Variants in NKAIN2 observed in about 807,000 individuals in gnomAD.
The protein encoded by NKAIN2 is sodium/potassium transporting ATPase interacting 2.
Under a neutral mutation model 32.6 loss-of-function variants are expected in NKAIN2, and 14 were observed. That is an observed-to-expected ratio of 0.43 (90% CI 0.28 to 0.67). The LOEUF (loss-of-function observed/expected upper bound fraction) is 0.67. Among genes scored for constraint, NKAIN2 ranks in the 30% least tolerant of loss-of-function variants. The pLI is 0.17. For missense variants in NKAIN2, 198 were observed against 258.3 expected (o/e 0.77, Z 1.60); for synonymous variants, 80 against 87.2 (o/e 0.92, Z 0.46).
At chr6:124,369,347 AAAATGGACACCACTGT>A (rs1319558637) in intron 3 of NKAIN2, among the ~76,000 whole-genome samples, 1 of 152,202 alleles carries the variant, frequency 6.6e-6, no homozygotes, top group Non-Finnish European at 1.5e-5. Flanking sequence ...TGAATTTTAA[AAAATGGACACCACTGT>A]AATTTTCTGA....
chr6:124,056,017 G>T (rs1782632761), intron 1 of NKAIN2, among the ~76,000 whole-genome samples: 1 of 152,030 alleles, frequency 6.6e-6, no homozygotes, highest in Non-Finnish European at 1.5e-5. Flanking sequence ...CATTTGCTAT[G>T]TTCTGATTTT....
intron 3 of NKAIN2, among the ~76,000 whole-genome samples, chr6:124,642,540 T>C (rs1583570777): frequency 1.3e-5 from 2 of 152,200 alleles, no homozygotes; most frequent in South Asian, 4.1e-4. Context: ...AGAACAGTGC[T>C]TTCTGATGAT....
At chr6:124,691,220 C>T (rs1350615161) in intron 4 of NKAIN2, among the ~76,000 whole-genome samples, 1 of 152,108 alleles carries the variant, frequency 6.6e-6, no homozygotes, top group Non-Finnish European at 1.5e-5. Flanking sequence ...TGGATCACTT[C>T]TGCTAAGAAA....
intron 3 of NKAIN2, among the ~76,000 whole-genome samples, chr6:124,407,510 G>A (rs1318692813): frequency 1.6e-4 from 25 of 152,078 alleles, no homozygotes; most frequent in Non-Finnish European, 2.9e-4. Context: ...CCATGTCCCT[G>A]CAAAGGACAT....
chr6:124,068,777 C>G (rs116876208), intron 1 of NKAIN2, among the ~76,000 whole-genome samples: 2,351 of 151,914 alleles, frequency 0.015, 20 homozygotes, highest in Non-Finnish European at 0.022. Flanking sequence ...GAACCAGCAA[C>G]CACCGTAACT....
intron 3 of NKAIN2, among the ~76,000 whole-genome samples, chr6:124,657,122 A>G (rs868547383): frequency 2.0e-5 from 3 of 152,174 alleles, no homozygotes; most frequent in South Asian, 4.1e-4. Flanking sequence ...CATATGTTCA[A>G]TGTGAGTGTG....
chr6:124,230,469 A>C lies in NKAIN2; in HGVS notation c.55-52536A>C, dbSNP rs116151961. On this transcript the variant is annotated intron_variant, in intron 1 of 6. Transcript: ENST00000368417. ...GATAAACAGCTGAATGTTAATACCC[A>C]AGACAATGGAGAAAATGTCTTTAGG... is the stretch of plus-strand genomic sequence containing the variant. Among the ~76,000 whole-genome samples, 1,280 of 152,310 alleles carry C rather than the reference A, an allele frequency of 8.4e-3. 14 individuals are homozygous for C. Among genetic ancestry groups the C allele is most frequent in the African/African-American group, 0.027 (1,136 of 41,578 alleles).
At chr6:124,513,681 A>G (rs1027486771) in intron 3 of NKAIN2, among the ~76,000 whole-genome samples, 2 of 152,310 alleles carry the variant, frequency 1.3e-5, no homozygotes, top group Admixed American at 6.5e-5. Context: ...TTGAAAGCCA[A>G]TAGTGGAAAT....
At chr6:123,944,778 A>G (rs1269041445) in intron 1 of NKAIN2, among the ~76,000 whole-genome samples, 1 of 152,032 alleles carries the variant, frequency 6.6e-6, no homozygotes, top group Non-Finnish European at 1.5e-5. Context: ...TTCAGTAGCA[A>G]CTTCCAAGCA....
chr6:124,495,039 T>C (rs1778011918), intron 3 of NKAIN2, among the ~76,000 whole-genome samples: 1 of 152,158 alleles, frequency 6.6e-6, no homozygotes, highest in Admixed American at 6.5e-5. Flanking sequence ...AATGTTATAA[T>C]AAATGCCTAT....
intron 1 of NKAIN2, 90 bp from the exon 2 acceptor site, chr6:124,282,915 A>T (rs1795368832): frequency 9.1e-7 from 1 of 1,103,392 alleles, no homozygotes; most frequent in African/African-American, 1.6e-5. Context: ...ATAAGTGCTA[A>T]TTATGTTATT....
chr6:124,216,157 C>T (rs1791468537), intron 1 of NKAIN2, among the ~76,000 whole-genome samples: 1 of 150,208 alleles, frequency 6.7e-6, no homozygotes, highest in South Asian at 2.1e-4. Flanking sequence ...ACCACACACT[C>T]AGTCTAAATA....
chr6:123,858,770 G>A (rs1775662877), intron 1 of NKAIN2, among the ~76,000 whole-genome samples: 1 of 152,164 alleles, frequency 6.6e-6, no homozygotes, highest in African/African-American at 2.4e-5. Flanking sequence ...TTTTGTGGAA[G>A]CAGCTGAGGT....
chr6:124,415,647 C>T (rs971501580), intron 3 of NKAIN2, among the ~76,000 whole-genome samples: 3 of 152,058 alleles, frequency 2.0e-5, no homozygotes, highest in Non-Finnish European at 4.4e-5. Context: ...AGTCTCAATC[C>T]TCTATTCCTT....
chr6:124,804,674 C>G (rs557519543), intron 5 of NKAIN2, among the ~76,000 whole-genome samples: 21 of 152,332 alleles, frequency 1.4e-4, no homozygotes, highest in African/African-American at 4.6e-4. Flanking sequence ...TGTGCGTGAG[C>G]CGAAGCAGGG....
chr6:124,661,237 C>T lies in NKAIN2; in HGVS notation c.474+2851C>T, dbSNP rs1054273148. Among the ~76,000 whole-genome samples the T allele has an allele frequency of 5.3e-5, 8 of 152,200 alleles. No homozygotes were observed. In the East Asian group the frequency reaches 1.5e-3, roughly 29 times the overall value. ...AGGCATAATCTTGGCTTCTTAGCTC[C>T]ATGCAGTTTTGTAAAGTCAGCTGAA... On this transcript the variant is annotated intron_variant, in intron 4 of 6. Coordinates refer to ENST00000368417, the MANE Select transcript of NKAIN2 (RefSeq NM_001040214.3).
intron 2 of NKAIN2, among the ~76,000 whole-genome samples, chr6:124,335,695 T>C (rs1797833530): frequency 6.6e-6 from 1 of 152,180 alleles, no homozygotes; most frequent in African/African-American, 2.4e-5. Context: ...TTTTTGGGTC[T>C]TTAAAAGTTC....
intron 3 of NKAIN2, among the ~76,000 whole-genome samples, chr6:124,419,634 T>A (rs332592): frequency 0.16 from 24,676 of 152,152 alleles, 2,298 homozygotes; most frequent in East Asian, 0.24. Flanking sequence ...AACAAGTTCA[T>A]AGTCCTGAAA....
chr6:124,073,431 A>G (rs1211071460), intron 1 of NKAIN2, among the ~76,000 whole-genome samples: 1 of 152,176 alleles, frequency 6.6e-6, no homozygotes, highest in Non-Finnish European at 1.5e-5. Context: ...TATCTAAATT[A>G]TTGTATAATT....
Sources: allele counts gnomAD v4.1 joint callset (sites outside exome capture counted in the v4.1 genomes callset), GRCh38; gene constraint gnomAD v4.1.1; transcripts MANE v1.5; gene names NCBI Gene and HGNC (gene_info 2026-07-23, HGNC 2026-07-21).